The following PRELID2 variants were observed in gnomAD, a reference collection of about 807,000 sequenced individuals.
The protein encoded by PRELID2 is PRELI domain containing 2.
A neutral mutation model predicts 28.4 loss-of-function variants in PRELID2; 25 were observed. That is an observed-to-expected ratio of 0.88 (90% confidence interval 0.64 to 1.23). The LOEUF (loss-of-function observed/expected upper bound fraction) is 1.23. PRELID2 is among the 50% of genes most tolerant of loss of function. The probability of loss-of-function intolerance (pLI) is 0.00; values close to 1 mark genes in which losing one functional copy is unlikely to be tolerated. For synonymous variants in PRELID2, 76 were observed against 71.6 expected, an observed-to-expected ratio of 1.06 and a Z score of -0.31; for missense variants, 201 against 214.4, an observed-to-expected ratio of 0.94 and a Z score of 0.39.
intron 1 of PRELID2, among the ~76,000 whole-genome samples, chr5:145,512,113 GGAATAAATTTTGTA>G (rs1258237120): frequency 6.6e-6 from 1 of 152,134 alleles, no homozygotes; most frequent in Non-Finnish European, 1.5e-5. Flanking sequence ...TCATCAAGAA[GGAATAAATTTTGTA>G]GATGAAAGCT....
the PRELID2 span, among the ~76,000 whole-genome samples, chr5:145,265,693 AAAAACATAAAGTGGTG>A: frequency 6.6e-6 from 1 of 152,174 alleles, no homozygotes; most frequent in Admixed American, 6.6e-5. Flanking sequence ...CTAAGCAAGC[AAAAACATAAAGTGGTG>A]AAAAGACACC....
intron 1 of PRELID2, among the ~76,000 whole-genome samples, chr5:145,506,589 TA>T (rs1752413685): frequency 6.6e-6 from 1 of 152,152 alleles, no homozygotes; most frequent in Non-Finnish European, 1.5e-5. Flanking sequence ...GCACTGAATT[TA>T]AAACCTTGAA....
chr5:145,766,005 C>A (rs338897), intron 5 of PRELID2, among the ~76,000 whole-genome samples: 1 of 152,022 alleles, frequency 6.6e-6, no homozygotes, highest in East Asian at 1.9e-4. Flanking sequence ...CTGTCCATAC[C>A]CACCTATCTA....
At chr5:145,472,979 A>C (rs1752067377) in intron 2 of PRELID2, among the ~76,000 whole-genome samples, 1 of 152,174 alleles carries the variant, frequency 6.6e-6, no homozygotes, top group Non-Finnish European at 1.5e-5. Flanking sequence ...ATATAAACTC[A>C]TTCGCACAAA....
the PRELID2 span, among the ~76,000 whole-genome samples, chr5:145,293,296 A>T: frequency 3.3e-5 from 5 of 152,202 alleles, no homozygotes; most frequent in Admixed American, 6.5e-5. Context: ...GGGGATTAGA[A>T]GAACAAACAA....
At chr5:145,243,585 T>A in the PRELID2 span, among the ~76,000 whole-genome samples, 3 of 152,072 alleles carry the variant, frequency 2.0e-5, no homozygotes, top group Non-Finnish European at 4.4e-5. Flanking sequence ...TTTCTCAGTG[T>A]CATCATCACC....
At chr5:145,398,566 G>T in the PRELID2 span, among the ~76,000 whole-genome samples, 1 of 151,970 alleles carries the variant, frequency 6.6e-6, no homozygotes, top group Non-Finnish European at 1.5e-5. Flanking sequence ...GGGCCATTTT[G>T]GAGTTGTGAT....
chr5:145,465,458 G>A, the PRELID2 span, among the ~76,000 whole-genome samples: 1 of 152,104 alleles, frequency 6.6e-6, no homozygotes, highest in Non-Finnish European at 1.5e-5. Flanking sequence ...CTTTCTCTCT[G>A]GTCATAGTCA....
chr5:145,833,900 T>C (rs1755767534), intron 1 of PRELID2, among the ~76,000 whole-genome samples: 1 of 152,238 alleles, frequency 6.6e-6, no homozygotes, highest in South Asian at 2.1e-4. Flanking sequence ...ATCTTATAGA[T>C]GTGGAAACTA....
intron 1 of PRELID2, among the ~76,000 whole-genome samples, chr5:145,525,318 G>A (rs1197280074): frequency 6.6e-6 from 1 of 152,146 alleles, no homozygotes; most frequent in Non-Finnish European, 1.5e-5. Context: ...AAATTGGGGT[G>A]AAAGAAATCT....
At position 145,493,027 on chromosome 5, in the gene PRELID2, C is replaced by A. The variant is rs1204578926; in HGVS notation, n.71-19712G>T. The stretch of plus-strand genomic sequence containing the variant: ...GATGGTATCTCTCTCAGCCACTATG[C>A]TGCTTAGGTTTGGGGAGGGGTGTCT... On this transcript the variant is annotated intron_variant and non_coding_transcript_variant, in intron 1 of 2. Transcript: ENST00000510259. Among the ~76,000 whole-genome samples, 2 of 140,810 alleles carry A rather than the reference C, an allele frequency of 1.4e-5. 1 individual carries two copies. The highest frequency in any genetic ancestry group is 3.2e-5 in the Non-Finnish European group (2 of 62,572). The allele number at this position is 140,810 out of a possible 152,430, so 92.4% of individuals were successfully genotyped here.
At chr5:145,327,745 C>T in the PRELID2 span, among the ~76,000 whole-genome samples, 1 of 151,528 alleles carries the variant, frequency 6.6e-6, no homozygotes. Context: ...GCTTTGATGC[C>T]TTTGTCTTTA....
chr5:145,742,172 A>T (rs1239971812), intron 1 of PRELID2, among the ~76,000 whole-genome samples: 1 of 114,722 alleles, frequency 8.7e-6, no homozygotes, highest in South Asian at 2.7e-4. Context: ...TTTATTTATT[A>T]ATTATAAATT....
intron 1 of PRELID2, among the ~76,000 whole-genome samples, chr5:145,731,322 T>C (rs1756339946): frequency 6.6e-6 from 1 of 152,192 alleles, no homozygotes; most frequent in African/African-American, 2.4e-5. Context: ...TTCTCAGCCA[T>C]AATCCTGCTC....
At chr5:145,492,047 G>C (rs1352617988) in intron 1 of PRELID2, among the ~76,000 whole-genome samples, 2 of 152,084 alleles carry the variant, frequency 1.3e-5, no homozygotes, top group African/African-American at 4.8e-5. Flanking sequence ...CCTTCCTTTG[G>C]ATCCCAGTAG....
chr5:145,379,885 G>A, the PRELID2 span, among the ~76,000 whole-genome samples: 2 of 152,126 alleles, frequency 1.3e-5, no homozygotes, highest in Non-Finnish European at 2.9e-5. Context: ...GTCCAGGCTA[G>A]ATCCCCAGGA....
chr5:145,264,751 A>G, the PRELID2 span, among the ~76,000 whole-genome samples: 1 of 152,016 alleles, frequency 6.6e-6, no homozygotes, highest in Non-Finnish European at 1.5e-5. Context: ...AGGTGGGTGG[A>G]TCATCTGAGG....
At chr5:145,681,194 G>C (rs1275675167) in intron 1 of PRELID2, among the ~76,000 whole-genome samples, 1 of 152,198 alleles carries the variant, frequency 6.6e-6, no homozygotes. Flanking sequence ...CAGTAGGCAG[G>C]AAACAGGGAG....
At chr5:145,658,246 A>G (rs577607807) in intron 1 of PRELID2, among the ~76,000 whole-genome samples, 7 of 152,240 alleles carry the variant, frequency 4.6e-5, no homozygotes, top group East Asian at 1.9e-4. Flanking sequence ...AAGCAAAACC[A>G]TAAGGCAGAT....
Sources: allele counts gnomAD v4.1 joint callset (sites outside exome capture counted in the v4.1 genomes callset), GRCh38; gene constraint gnomAD v4.1.1; transcripts MANE v1.5; gene names NCBI Gene and HGNC (gene_info 2026-07-23, HGNC 2026-07-21).